Variants in CAT observed in about 807,000 individuals in gnomAD.
The protein encoded by CAT is catalase.
CAT carries 43 observed loss-of-function variants against 59.0 expected under a neutral mutation model. That is an observed-to-expected ratio of 0.73 (90% CI 0.57 to 0.94). CAT has a LOEUF of 0.94. Among genes scored for constraint, CAT ranks in the 40% least tolerant of loss-of-function variants. CAT has a pLI of 0.00. For synonymous variants in CAT, 218 were observed against 230.9 expected, an observed-to-expected ratio of 0.94 and a Z score of 0.51; for missense variants, 664 against 682.9, an observed-to-expected ratio of 0.97 and a Z score of 0.31.
At chr11:34,442,963 C>A (rs1856409048) in intron 1 of CAT, among the ~76,000 whole-genome samples, 1 of 152,146 alleles carries the variant, frequency 6.6e-6, no homozygotes, top group Admixed American at 6.5e-5. Context: ...ATCTGTCCAG[C>A]CATTTTCTTG....
Position 34,471,944 on chromosome 11 carries a change from T to C in CAT, c.*511T>C, listed in dbSNP as rs1856778374. 1.2e-5 allele frequency: 2 copies of C among 163,216 alleles called. No homozygotes were observed. Among genetic ancestry groups the C allele is most frequent in the Admixed American group, 5.7e-5 (1 of 17,442 alleles). 10.1% of individuals were successfully genotyped at this position (163,216 alleles called of 1,614,324 possible). ...CTTAATGTTTATTCCTGATAATAATTGATCAAATTCATTTTTTTCACTGGA... is the reference window on the plus strand; with the variant it reads ...CTTAATGTTTATTCCTGATAATAATCGATCAAATTCATTTTTTTCACTGGA... On this transcript the variant is annotated 3_prime_UTR_variant, in exon 13 of 13. Coordinates refer to ENST00000241052, the MANE Select transcript of CAT (RefSeq NM_001752.4).
At chr11:34,453,063 AT>A (rs1212882589) in intron 4 of CAT, 26 bp from the exon 5 acceptor site, 5 of 1,467,252 alleles carry the variant, frequency 3.4e-6, no homozygotes, top group Non-Finnish European at 9.5e-7. Flanking sequence ...TAGTTTTTGG[AT>A]TTTTTTCTCT....
In CAT at chr11:34,453,093, C is replaced by T; in HGVS notation, c.484C>T (p.Pro162Ser). ...TTTCTCTCTTTTTTCTATTTAGTTT[C>T]CATCTTTTATCCACAGCCAAAAGAG... is the stretch of plus-strand genomic sequence containing the variant. ...IFFIRDPILF[P>S]SFIHSQKRNP... Residue 162 changes from proline (P) to serine (S), a missense_variant, in exon 5 of 13, where the codon CCA becomes TCA. Coordinates refer to ENST00000241052, the MANE Select transcript of CAT (RefSeq NM_001752.4). 1 of 1,600,890 alleles carries T rather than the reference C, an allele frequency of 6.2e-7. No homozygotes were observed. Among genetic ancestry groups the T allele is most frequent in the Non-Finnish European group, 8.6e-7 (1 of 1,168,290 alleles).
intron 4 of CAT, among the ~76,000 whole-genome samples, chr11:34,452,669 C>T (rs781074103): frequency 4.7e-4 from 72 of 152,110 alleles, no homozygotes; most frequent in Non-Finnish European, 9.0e-4. Context: ...GCCTGGGCAA[C>T]ATGGCAAAAC....
intron 8 of CAT, among the ~76,000 whole-genome samples, chr11:34,458,709 A>G (rs886298019): frequency 1.3e-5 from 2 of 152,210 alleles, no homozygotes; most frequent in African/African-American, 4.8e-5. Flanking sequence ...ACAAGAATCC[A>G]AGTCACCATG....
intron 1 of CAT, among the ~76,000 whole-genome samples, chr11:34,448,046 C>T (rs557401662): frequency 2.2e-4 from 34 of 152,138 alleles, no homozygotes; most frequent in Non-Finnish European, 3.4e-4. Context: ...GCAAATTGCA[C>T]GGTCTCCTTT....
chr11:34,463,303 C>T (rs1856673133), intron 9 of CAT, among the ~76,000 whole-genome samples: 1 of 152,168 alleles, frequency 6.6e-6, no homozygotes, highest in Non-Finnish European at 1.5e-5. Context: ...TTGTATTTGT[C>T]ACTGTTTCTT....
In CAT at chr11:34,471,912, G is replaced by A. The variant is rs533351787; in HGVS notation, c.*479G>A. 4.0e-4 allele frequency: 69 copies of A among 172,392 alleles called. No individual in the cohort carries two copies. Among genetic ancestry groups the A allele is most frequent in the African/African-American group, 1.6e-3 (65 of 41,714 alleles). 10.7% of individuals were successfully genotyped at this position (172,392 alleles called of 1,614,324 possible). A position where few individuals can be genotyped will look rare whatever the true frequency, so the allele number is the denominator to read the frequency against. ...GTCATCAGAAGATAACTTGAGCACC[G>A]TCATGGCTTAATGTTTATTCCTGAT... is the stretch of plus-strand genomic sequence containing the variant. On this transcript the variant is annotated 3_prime_UTR_variant, in exon 13 of 13. Transcript: ENST00000241052.
rs1201054262 is a variant in CAT at position 34,470,972 on chromosome 11, T to C, written c.1449T>C (p.Thr483=). The change falls in exon 12 of 13, where the codon ACT becomes ACC. Residue 483 remains threonine, a synonymous_variant. Transcript: ENST00000241052. The stretch of plus-strand genomic sequence containing the variant: ...TTTGGCCTTAGGTCAAGAACTTCAC[T>C]GAGGTCCACCCTGACTACGGGAGCC... ...FIQKKAVKNF[T]EVHPDYGSHI... 2 of 1,613,992 alleles carry C rather than the reference T, an allele frequency of 1.2e-6. No individual in the cohort carries two copies. Among genetic ancestry groups the C allele is most frequent in the African/African-American group, 1.3e-5 (1 of 75,046 alleles).
At chr11:34,470,904 GT>G in intron 11 of CAT, 53 bp from the exon 12 acceptor site, 1 of 1,405,490 alleles carries the variant, frequency 7.1e-7, no homozygotes, top group East Asian at 2.3e-5. Flanking sequence ...TCCCTGGGGA[GT>G]GATATAGTAG....
At chr11:34,464,000 G>T in intron 9 of CAT, 105 bp from the exon 10 acceptor site, 1 of 1,073,932 alleles carries the variant, frequency 9.3e-7, no homozygotes, top group Non-Finnish European at 1.5e-6. Context: ...ATGTGTACGT[G>T]TGTATTTGAT....
chr11:34,453,946 C>T lies in CAT; in HGVS notation c.711+20C>T. On this transcript the variant is annotated intron_variant, in intron 6 of 12. Transcript: ENST00000241052. ...TATAAGGTATGTGTTACCTTTGGGGCAGAGGGTACAAGGCTCCTACCGCAT... is the reference window on the plus strand; with the variant it reads ...TATAAGGTATGTGTTACCTTTGGGGTAGAGGGTACAAGGCTCCTACCGCAT... 1 of 1,612,068 alleles carries T rather than the reference C, an allele frequency of 6.2e-7. No homozygotes were observed. Among genetic ancestry groups the T allele is most frequent in the Non-Finnish European group, 8.5e-7 (1 of 1,178,492 alleles).
At chr11:34,467,339 G>C (rs1438209146) in intron 10 of CAT, among the ~76,000 whole-genome samples, 1 of 152,186 alleles carries the variant, frequency 6.6e-6, no homozygotes, top group East Asian at 1.9e-4. Context: ...TAGGTCTGAG[G>C]AAATCCCCAG....
rs71457350 is a variant in CAT at position 34,466,780 on chromosome 11, C to CAAAAAAAAA, written c.1327-1492_1327-1484dup. 3.0e-3 allele frequency among the ~76,000 whole-genome samples: 123 copies of CAAAAAAAAA among 41,058 alleles called. 1 individual carries two copies. Among genetic ancestry groups the CAAAAAAAAA allele is most frequent in the Non-Finnish European group, 4.7e-3 (91 of 19,158 alleles). 26.9% of individuals were successfully genotyped at this position (41,058 alleles called of 152,430 possible). ...TGGGCGACAGAGCGAGACTCCGTCTCAAAAAAAAAAAAAAAAAAAAAAAAG... is the reference window on the plus strand; with the variant it reads ...TGGGCGACAGAGCGAGACTCCGTCTCAAAAAAAAAAAAAAAAAAAAAAAAAAAAAAAAAG... On this transcript the variant is annotated intron_variant, in intron 10 of 12. Coordinates refer to ENST00000241052, the MANE Select transcript of CAT (RefSeq NM_001752.4).
chr11:34,455,920 T>A, intron 6 of CAT, 91 bp from the exon 7 acceptor site: 2 of 1,003,980 alleles, frequency 2.0e-6, no homozygotes, highest in Non-Finnish European at 3.2e-6. Context: ...CTTTGGGCAG[T>A]GTTACTCATA....
At position 34,469,093 on chromosome 11, in the gene CAT, C is replaced by A. The variant is rs17880549; in HGVS notation, c.1434+698C>A. Among the ~76,000 whole-genome samples the A allele has an allele frequency of 2.4e-3, 362 of 152,328 alleles. 2 individuals carry two copies. The highest frequency in any genetic ancestry group is 8.4e-3 in the African/African-American group (349 of 41,568). On this transcript the variant is annotated intron_variant, in intron 11 of 12. Transcript: ENST00000241052. The stretch of plus-strand genomic sequence containing the variant: ...TGGGGTATTTCTGATGGCCGCTCAT[C>A]GAGCTGAGTGAAGCCCTCTCACTTC...
chr11:34,446,187 C>A (rs755003686), intron 1 of CAT, among the ~76,000 whole-genome samples: 1 of 152,130 alleles, frequency 6.6e-6, no homozygotes, highest in Non-Finnish European at 1.5e-5. Context: ...AGTTTTTGCT[C>A]CCTGGCTTCC....
At position 34,450,988 on chromosome 11, in the gene CAT, G is replaced by T; in HGVS notation, c.239G>T (p.Gly80Val). Residue 80 changes from glycine (G) to valine (V), a missense_variant and splice_region_variant, in exon 3 of 13, where the codon GGG becomes GTG. Gly to Val is a moderately radical substitution (Grantham distance 109, BLOSUM62 -3). Transcript: ENST00000241052. Reference protein sequence around the residue: ...PERVVHAKGAGAFGYFEVTHD... With the variant: ...PERVVHAKGAVAFGYFEVTHD... ...AGGATTTCTGTGTCTTTCTCGTTAG[G>T]GGCCTTTGGCTACTTTGAGGTCACA... 2 of 1,599,132 alleles carry T rather than the reference G, an allele frequency of 1.3e-6. No individual in the cohort carries two copies. The highest frequency in any genetic ancestry group is 1.7e-6 in the Non-Finnish European group (2 of 1,166,378).
chr11:34,463,851 C>T (rs1856680934), intron 9 of CAT, among the ~76,000 whole-genome samples: 1 of 152,172 alleles, frequency 6.6e-6, no homozygotes, highest in Non-Finnish European at 1.5e-5. Flanking sequence ...TCAAAAGGGA[C>T]TTTGAGATTC....
Sources: gnomAD v4.1 joint callset for allele counts (sites outside exome capture counted in the v4.1 genomes callset) on GRCh38, gnomAD v4.1.1 for gene constraint, MANE v1.5 for transcripts, NCBI Gene and HGNC (gene_info 2026-07-23, HGNC 2026-07-21) for gene names.